The following SLK variants were observed in gnomAD, a reference collection of about 807,000 sequenced individuals.
SLK encodes STE20-like serine/threonine-protein kinase.
Under a neutral mutation model 147.7 loss-of-function variants are expected in SLK, and 67 were observed. That is an observed-to-expected ratio of 0.45 (90% CI 0.37 to 0.56). The LOEUF (loss-of-function observed/expected upper bound fraction) is 0.56. SLK is among the 20% of genes least tolerant of loss of function. The pLI, the probability that SLK is intolerant of heterozygous loss-of-function variation, is 0.00. For missense variants in SLK, 1,136 were observed against 1,438.8 expected, an observed-to-expected ratio of 0.79 and a Z score of 3.41; for synonymous variants, 441 against 475.0, an observed-to-expected ratio of 0.93 and a Z score of 0.93.
chr10:103,977,274 G>A (rs1843884237), intron 1 of SLK, among the ~76,000 whole-genome samples: 1 of 152,110 alleles, frequency 6.6e-6, no homozygotes, highest in South Asian at 2.1e-4. Context: ...AAAATAAACA[G>A]AATGAACAAA....
At chr10:103,981,112 C>T (rs1843935674) in intron 1 of SLK, among the ~76,000 whole-genome samples, 1 of 151,880 alleles carries the variant, frequency 6.6e-6, no homozygotes, top group Non-Finnish European at 1.5e-5. Context: ...GCTTATTGGC[C>T]ATTTGTATAT....
intron 1 of SLK, among the ~76,000 whole-genome samples, chr10:103,973,815 G>A (rs1458442956): frequency 1.3e-5 from 2 of 152,120 alleles, no homozygotes; most frequent in African/African-American, 4.8e-5. Context: ...TTAAGAACTT[G>A]CCTGTCTAAA....
chr10:104,010,958 A>C, intron 13 of SLK, 50 bp downstream of exon 13: 252 of 1,161,696 alleles, frequency 2.2e-4, no homozygotes, highest in Non-Finnish European at 2.7e-4. Context: ...CCATTTTCTC[A>C]CAGCTTGATA....
chr10:104,004,975 C>G (rs1250165559), intron 9 of SLK, among the ~76,000 whole-genome samples: 2 of 151,986 alleles, frequency 1.3e-5, no homozygotes, highest in Non-Finnish European at 2.9e-5. Flanking sequence ...ATATCTCTGG[C>G]CCTGAGATGG....
Position 104,010,903 on chromosome 10 carries a change from G to A in SLK, c.2872G>A (p.Ala958Thr), listed in dbSNP as rs1257969855. ...RKEELAQSQH[A>T]QEQEFVQKQQ... Reference sequence around the variant, plus strand: ...AGAGGAGCTTGCACAAAGCCAGCATGCTCAGGTAACAGCAGCAGCTTAATG... The same window carrying A: ...AGAGGAGCTTGCACAAAGCCAGCATACTCAGGTAACAGCAGCAGCTTAATG... The change falls in exon 13 of 19, where the codon GCT becomes ACT. Residue 958 changes from alanine to threonine, a missense_variant. Physicochemically the swap from Ala to Thr is moderately conservative, Grantham distance 58. Coordinates refer to ENST00000369755, the MANE Select transcript of SLK (RefSeq NM_014720.4). 2.5e-6 allele frequency: 4 copies of A among 1,576,996 alleles called. No individual in the cohort carries two copies. The highest frequency in any genetic ancestry group is 2.8e-5 in the African/African-American group (2 of 72,548).
At chr10:103,978,124 C>T (rs1843894526) in intron 1 of SLK, among the ~76,000 whole-genome samples, 1 of 151,786 alleles carries the variant, frequency 6.6e-6, no homozygotes, top group South Asian at 2.1e-4. Context: ...CTAAATAATT[C>T]GACATTGGAA....
In SLK at chr10:103,999,255, C is replaced by T. The variant is rs200677132; in HGVS notation, c.724C>T (p.Arg242Ter). The T allele has an allele frequency of 3.1e-6, 5 of 1,613,422 alleles. No homozygotes were observed. Among genetic ancestry groups the T allele is most frequent in the Non-Finnish European group, 3.4e-6 (4 of 1,179,694 alleles). The part of the protein sequence containing the change: ...EPPHHELNPM[R>*]VLLKIAKSEP... ...ACCTCATCATGAATTAAATCCAATG[C>T]GAGTGCTGCTAAAAATAGCAAAATC... The change falls in exon 6 of 19, where the codon CGA becomes TGA. Residue 242 changes from arginine to a stop codon, truncating the protein, a stop_gained. Coordinates refer to ENST00000369755, the MANE Select transcript of SLK (RefSeq NM_014720.4). LOFTEE classifies it high-confidence loss of function.
rs1037510898 is a variant in SLK, at chr10:104,028,447, T to G, written c.*2727T>G. 6.6e-5 allele frequency: 10 copies of G among 152,210 alleles called. No homozygotes were observed. Among genetic ancestry groups the G allele is most frequent in the African/African-American group, 2.4e-4 (10 of 41,446 alleles). The allele number at this position is 152,210 out of a possible 1,614,324, so 9.4% of individuals were successfully genotyped here. ...TATTCTATGTGGAGTCACATTAAGCTTTTTCTTATCTTTTTCTATGGGGAA... is the reference window on the plus strand; with the variant it reads ...TATTCTATGTGGAGTCACATTAAGCGTTTTCTTATCTTTTTCTATGGGGAA... On this transcript the variant is annotated 3_prime_UTR_variant, in exon 19 of 19. Coordinates refer to ENST00000369755, the MANE Select transcript of SLK (RefSeq NM_014720.4).
At chr10:104,005,812 C>T (rs889907522) in intron 10 of SLK, 100 bp from the exon 11 acceptor site, 14 of 1,477,954 alleles carry the variant, frequency 9.5e-6, no homozygotes, top group African/African-American at 4.3e-5. Flanking sequence ...CTTTTACTAC[C>T]GTTCCACTCG....
intron 11 of SLK, 98 bp downstream of exon 11, chr10:104,006,133 T>C (rs1418068293): frequency 8.1e-7 from 1 of 1,236,994 alleles, no homozygotes; most frequent in Non-Finnish European, 1.1e-6. Flanking sequence ...TAGAACTTGT[T>C]CTCTGATTGC....
chr10:104,020,010 C>A, intron 16 of SLK, 88 bp downstream of exon 16: 1 of 1,011,686 alleles, frequency 9.9e-7, no homozygotes, highest in Non-Finnish European at 1.5e-6. Context: ...TCTTTCTAAA[C>A]AATTAGAGCC....
chr10:104,026,045 T>C lies in SLK; in HGVS notation c.*325T>C, dbSNP rs751437012. 8 of 193,496 alleles carry C rather than the reference T, an allele frequency of 4.1e-5. No individual in the cohort carries two copies. The highest frequency in any genetic ancestry group is 7.3e-5 in the Non-Finnish European group (7 of 95,298). 12.0% of individuals were successfully genotyped at this position (193,496 alleles called of 1,614,324 possible). A position where few individuals can be genotyped will look rare whatever the true frequency, so the allele number is the denominator to read the frequency against. On this transcript the variant is annotated 3_prime_UTR_variant, in exon 19 of 19. Coordinates refer to ENST00000369755, the MANE Select transcript of SLK (RefSeq NM_014720.4). ...ATGTTTAAAGTTATTTAAGAAAAAC[T>C]GTTACATCACTAAGTATTAATAAAT... is the stretch of plus-strand genomic sequence containing the variant.
intron 18 of SLK, among the ~76,000 whole-genome samples, chr10:104,022,456 G>A (rs533518186): frequency 2.0e-5 from 3 of 151,996 alleles, no homozygotes; most frequent in Admixed American, 6.5e-5. Flanking sequence ...CTGACCCTTC[G>A]TTACTCAAAC....
intron 6 of SLK, among the ~76,000 whole-genome samples, chr10:103,999,520 T>C (rs1052826781): frequency 2.0e-5 from 3 of 152,182 alleles, no homozygotes; most frequent in African/African-American, 7.2e-5. Context: ...TCTGAAAATA[T>C]GAATGATTTG....
At chr10:104,006,838 A>G (rs1291984133) in intron 11 of SLK, among the ~76,000 whole-genome samples, 1 of 152,162 alleles carries the variant, frequency 6.6e-6, no homozygotes, top group African/African-American at 2.4e-5. Context: ...GTTCTCATTG[A>G]GTATTTTTAT....
At chr10:104,001,135 TTTA>T (rs1417063121) in intron 7 of SLK, among the ~76,000 whole-genome samples, 1 of 151,932 alleles carries the variant, frequency 6.6e-6, no homozygotes, top group Non-Finnish European at 1.5e-5. Flanking sequence ...ATTAAAATTT[TTTA>T]TTACGAAGTT....
At chr10:104,012,275 A>G (rs953935827) in intron 13 of SLK, among the ~76,000 whole-genome samples, 3 of 152,202 alleles carry the variant, frequency 2.0e-5, no homozygotes, top group African/African-American at 7.2e-5. Context: ...ATCATTTCAA[A>G]GGAGAGAATA....
At chr10:103,986,600 T>A (rs1844016477) in intron 1 of SLK, among the ~76,000 whole-genome samples, 1 of 151,960 alleles carries the variant, frequency 6.6e-6, no homozygotes, top group African/African-American at 2.4e-5. Context: ...CGTGGACTGG[T>A]ACTGGTTTGT....
In SLK at chr10:103,992,632, A is replaced by C. The variant is rs1844113118; in HGVS notation, c.350A>C (p.Asp117Ala). 8 of 1,068,404 alleles carry C rather than the reference A, an allele frequency of 7.5e-6. No individual in the cohort carries two copies. The highest frequency in any genetic ancestry group is 9.8e-6 in the Non-Finnish European group (8 of 817,690). The allele number at this position is 1,068,404 out of a possible 1,614,324, so 66.2% of individuals were successfully genotyped here. A position where few individuals can be genotyped will look rare whatever the true frequency, so the allele number is the denominator to read the frequency against. Residue 117 changes from aspartate to alanine, a missense_variant, in exon 3 of 19, where the codon GAT (aspartate) becomes GCT (alanine). Asp to Ala is a moderately radical substitution (Grantham distance 126). Coordinates refer to ENST00000369755, the MANE Select transcript of SLK (RefSeq NM_014720.4). ...GAATTTTGTGCAGGTGGAGCAGTAG[A>C]TGCTGTGATGCTTGGTAAATACCTT... ...LIEFCAGGAVDAVMLELERPL... is the reference protein window; with the variant it reads ...LIEFCAGGAVAAVMLELERPL...
Sources: gnomAD v4.1 joint callset for allele counts (sites outside exome capture counted in the v4.1 genomes callset) on GRCh38, gnomAD v4.1.1 for gene constraint, MANE v1.5 for transcripts, NCBI Gene and HGNC (gene_info 2026-07-23, HGNC 2026-07-21) for gene names.